SPMIP3: variants seen among roughly 807,000 people sequenced by gnomAD.
SPMIP3 encodes sperm microtubule inner protein 3, also known as protein SPMIP3.
At chr1:244,379,351 G>C in the SPMIP3 span, among the ~76,000 whole-genome samples, 4 of 151,622 alleles carry the variant, frequency 2.6e-5, no homozygotes, top group Non-Finnish European at 5.9e-5. Flanking sequence ...ACAGGCATAA[G>C]CCACTGCACC....
At chr1:244,365,853 G>A in the SPMIP3 span, among the ~76,000 whole-genome samples, 1 of 152,166 alleles carries the variant, frequency 6.6e-6, no homozygotes, top group African/African-American at 2.4e-5. Context: ...TACTCTGCTT[G>A]TGGGAAAACA....
At chr1:244,361,951 C>T in the SPMIP3 span, among the ~76,000 whole-genome samples, 1 of 152,118 alleles carries the variant, frequency 6.6e-6, no homozygotes. Context: ...GCAGATTAAC[C>T]AAGAGCTCAG....
At chr1:244,361,404 T>G in the SPMIP3 span, among the ~76,000 whole-genome samples, 1 of 152,020 alleles carries the variant, frequency 6.6e-6, no homozygotes, top group African/African-American at 2.4e-5. Context: ...AATTGTTGTA[T>G]TTTTAGTAAA....
chr1:244,366,051 G>A, the SPMIP3 span, among the ~76,000 whole-genome samples: 13 of 152,262 alleles, frequency 8.5e-5, no homozygotes, highest in Non-Finnish European at 1.2e-4. Flanking sequence ...CCACCTCGAC[G>A]GGTCTGCAGC....
At chr1:244,363,876 A>G in the SPMIP3 span, among the ~76,000 whole-genome samples, 1 of 152,206 alleles carries the variant, frequency 6.6e-6, no homozygotes, top group Non-Finnish European at 1.5e-5. Context: ...TCCACCTTCC[A>G]AATCTCAAGC....
At chr1:244,385,655 A>G in the SPMIP3 span, among the ~76,000 whole-genome samples, 5 of 152,206 alleles carry the variant, frequency 3.3e-5, no homozygotes, top group African/African-American at 9.7e-5. Flanking sequence ...GAATTGAGAT[A>G]CCCATATAAA....
the SPMIP3 span, among the ~76,000 whole-genome samples, chr1:244,357,707 C>CAA: frequency 6.3e-3 from 602 of 95,084 alleles, 15 homozygotes; most frequent in African/African-American, 0.016. Flanking sequence ...GACTCCATCT[C>CAA]AAAAAAAAAA....
the SPMIP3 span, chr1:244,388,971 A>T: frequency 1.2e-6 from 2 of 1,613,662 alleles, no homozygotes; most frequent in South Asian, 2.2e-5. Flanking sequence ...GAAATTAGCC[A>T]CAGTTTCGCT....
chr1:244,372,062 C>G, the SPMIP3 span, among the ~76,000 whole-genome samples: 83 of 152,274 alleles, frequency 5.5e-4, no homozygotes, highest in African/African-American at 1.9e-3. Context: ...GACAGTCAGG[C>G]CCACTCTAGC....
the SPMIP3 span, among the ~76,000 whole-genome samples, chr1:244,380,371 T>C: frequency 1.3e-5 from 2 of 152,258 alleles, no homozygotes; most frequent in African/African-American, 4.8e-5. Context: ...CCACCCACCT[T>C]GGCCTCCCAA....
the SPMIP3 span, among the ~76,000 whole-genome samples, chr1:244,381,537 T>C: frequency 2.6e-5 from 4 of 152,242 alleles, no homozygotes; most frequent in African/African-American, 4.8e-5. Context: ...TGCCGGGACA[T>C]AGAAAGTCCA....
At chr1:244,356,793 C>T in the SPMIP3 span, among the ~76,000 whole-genome samples, 1 of 152,128 alleles carries the variant, frequency 6.6e-6, no homozygotes, top group Admixed American at 6.6e-5. Flanking sequence ...TAAATTATAA[C>T]TCACTCAGTT....
chr1:244,373,403 T>C, the SPMIP3 span, among the ~76,000 whole-genome samples: 2 of 142,804 alleles, frequency 1.4e-5, no homozygotes, highest in African/African-American at 5.2e-5. Context: ...CTTAGGAAGC[T>C]GAAACAGGAG....
At chr1:244,381,802 T>A in the SPMIP3 span, among the ~76,000 whole-genome samples, 74 of 152,166 alleles carry the variant, frequency 4.9e-4, no homozygotes, top group Non-Finnish European at 7.6e-4. Flanking sequence ...GTGGTGGCAC[T>A]CACCTATAAT....
chr1:244,358,089 G>T, the SPMIP3 span, among the ~76,000 whole-genome samples: 4 of 151,752 alleles, frequency 2.6e-5, no homozygotes, highest in African/African-American at 7.3e-5. Context: ...AATTAGTCAG[G>T]CATGGTGGTA....
chr1:244,369,370 CT>C, the SPMIP3 span, among the ~76,000 whole-genome samples: 8,442 of 152,196 alleles, frequency 0.055, 685 homozygotes, highest in East Asian at 0.29. Context: ...ACTTTTAAAA[CT>C]TTGATCGAAA....
the SPMIP3 span, among the ~76,000 whole-genome samples, chr1:244,372,609 A>C: frequency 6.6e-6 from 1 of 151,502 alleles, no homozygotes; most frequent in South Asian, 2.1e-4. Flanking sequence ...ACACCTGGCT[A>C]ATTTTTTGTA....
chr1:244,378,540 ATTCGATATATTTGTC>A, the SPMIP3 span: 2 of 1,613,688 alleles, frequency 1.2e-6, no homozygotes, highest in Non-Finnish European at 1.7e-6. Flanking sequence ...ACAAACACTC[ATTCGATATATTTGTC>A]TTCGAAGACA....
chr1:244,366,695 C>T, the SPMIP3 span, among the ~76,000 whole-genome samples: 1 of 152,098 alleles, frequency 6.6e-6, no homozygotes, highest in African/African-American at 2.4e-5. Context: ...GCCTGGCCAA[C>T]ATGGTGAAAC....
Sources: allele counts gnomAD v4.1 joint callset (sites outside exome capture counted in the v4.1 genomes callset), GRCh38; gene constraint gnomAD v4.1.1; transcripts MANE v1.5; gene names NCBI Gene and HGNC (gene_info 2026-07-23, HGNC 2026-07-21).